Variants in ITPR1 observed in about 807,000 individuals in gnomAD.
The protein encoded by ITPR1 is inositol 1,4,5-trisphosphate receptor type 1.
A neutral mutation model predicts 318.4 loss-of-function variants in ITPR1; 96 were observed. The ratio of observed to expected loss-of-function variants is 0.30; its 90% CI spans 0.26 to 0.36. The LOEUF is 0.36. Ranked by LOEUF, ITPR1 falls within the 10% of genes least tolerant of loss-of-function variation. The probability of loss-of-function intolerance (pLI) is 1.00; values close to 1 mark genes in which losing one functional copy is unlikely to be tolerated. For synonymous variants in ITPR1, 1,312 were observed against 1,289.9 expected, an observed-to-expected ratio of 1.02 and a Z score of -0.37; for missense variants, 2,440 against 3,460.2, an observed-to-expected ratio of 0.71 and a Z score of 7.40.
chr3:4,819,200 C>A (rs1443313496), intron 60 of ITPR1, among the ~76,000 whole-genome samples: 6 of 152,228 alleles, frequency 3.9e-5, no homozygotes, highest in African/African-American at 1.4e-4. Context: ...GCCAGGCTTT[C>A]AGTTTTATTG....
rs1332913286 is a variant in ITPR1, at chr3:4,717,325, C to G, written c.5104-42C>G. ...ACTTGGCTGGCTTGTATTTCCTTTC[C>G]TAACATTTCCTTCTCTCTCTCTCCC... On this transcript the variant is annotated intron_variant, in intron 39 of 61. Coordinates refer to ENST00000649015, the MANE Select transcript of ITPR1 (RefSeq NM_001378452.1). The G allele has an allele frequency of 2.6e-6, 4 of 1,532,892 alleles. No individual in the cohort carries two copies. The African/African-American group carries it at 5.5e-5, about 21-fold the overall frequency. 95.0% of individuals were successfully genotyped at this position (1,532,892 alleles called of 1,614,324 possible).
chr3:4,553,641 C>T (rs1428777100), intron 4 of ITPR1, among the ~76,000 whole-genome samples: 9 of 148,538 alleles, frequency 6.1e-5, no homozygotes, highest in Non-Finnish European at 1.0e-4. Context: ...CTTCTTGTCG[C>T]CCAGGCTGGA....
intron 44 of ITPR1, among the ~76,000 whole-genome samples, chr3:4,741,347 G>A (rs1440004230): frequency 2.6e-5 from 4 of 152,156 alleles, no homozygotes; most frequent in African/African-American, 9.7e-5. Context: ...AGAAGCACTG[G>A]GAATTTCATG....
chr3:4,688,635 CAATCTGCA>C lies in ITPR1; in HGVS notation c.3828+21_3828+28del, dbSNP rs762314235. 5.4e-5 allele frequency: 87 copies of C among 1,609,736 alleles called. No individual in the cohort carries two copies. Among genetic ancestry groups the C allele is most frequent in the Non-Finnish European group, 7.3e-5 (86 of 1,176,566 alleles). ...TCAACCCAGGGGTAAGACTTGAGGC[CAATCTGCA>C]AATCTATAGAGGGAGGAGGGCAGGG... On this transcript the variant is annotated intron_variant, in intron 31 of 61. Transcript: ENST00000649015.
chr3:4,535,426 CTTTTTTTTTTTTTTAA>C (rs1257846333), intron 4 of ITPR1, among the ~76,000 whole-genome samples: 1 of 112,268 alleles, frequency 8.9e-6, no homozygotes, highest in Non-Finnish European at 1.9e-5. Context: ...AAATTATTTT[CTTTTTTTTTTTTTTAA>C]TTTTTTTTTT....
intron 55 of ITPR1, among the ~76,000 whole-genome samples, chr3:4,808,808 A>G (rs549201252): frequency 1.9e-4 from 29 of 152,346 alleles, no homozygotes; most frequent in African/African-American, 6.7e-4. Flanking sequence ...CCTCCATGCC[A>G]GCAGGCCGGA....
chr3:4,579,253 G>A (rs2089035885), intron 4 of ITPR1, among the ~76,000 whole-genome samples: 1 of 152,180 alleles, frequency 6.6e-6, no homozygotes, highest in Non-Finnish European at 1.5e-5. Flanking sequence ...ATAGTACCTA[G>A]AACGTTGTTA....
At chr3:4,655,798 A>G (rs11916179) in intron 12 of ITPR1, among the ~76,000 whole-genome samples, 69,191 of 151,904 alleles carry the variant, frequency 0.46, 17,356 homozygotes, top group Non-Finnish European at 0.58. Context: ...TTCGATGTTG[A>G]TTGGGGGTGG....
intron 20 of ITPR1, among the ~76,000 whole-genome samples, chr3:4,672,376 C>T (rs946825519): frequency 6.6e-6 from 1 of 152,138 alleles, no homozygotes; most frequent in African/African-American, 2.4e-5. Context: ...CTTGCATTTC[C>T]CCGACATCTA....
chr3:4,496,230 T>A (rs1381306600), intron 2 of ITPR1, among the ~76,000 whole-genome samples: 1 of 152,256 alleles, frequency 6.6e-6, no homozygotes, highest in Non-Finnish European at 1.5e-5. Flanking sequence ...CAATGTGAAA[T>A]GTTGATACCT....
At position 4,779,917 on chromosome 3, in the gene ITPR1, C is replaced by G. The variant is rs1025733203; in HGVS notation, c.6387+272C>G. ...GGCAAAAACCGCGATTACTTTTGCA[C>G]CAACCTATATGACATTGAATACGTG... On this transcript the variant is annotated intron_variant, in intron 49 of 61. Transcript: ENST00000649015. The surrounding 1 kb of genome is among the most constrained non-coding windows in gnomAD (Gnocchi z 4.0). 1.3e-5 allele frequency among the ~76,000 whole-genome samples: 2 copies of G among 151,206 alleles called. No individual in the cohort carries two copies. The highest frequency in any genetic ancestry group is 4.9e-5 in the African/African-American group (2 of 41,138).
chr3:4,786,263 C>A (rs868220588), intron 51 of ITPR1, among the ~76,000 whole-genome samples: 2 of 152,326 alleles, frequency 1.3e-5, no homozygotes, highest in Admixed American at 6.5e-5. Context: ...TGCTTGTGTG[C>A]AGGTTCTGGT....
chr3:4,713,926 T>A (rs2041570324), intron 39 of ITPR1, among the ~76,000 whole-genome samples: 1 of 152,110 alleles, frequency 6.6e-6, no homozygotes, highest in Non-Finnish European at 1.5e-5. Flanking sequence ...TAGAAACCCA[T>A]GTTAGCCACT....
chr3:4,840,516 T>A (rs2051265924), intron 61 of ITPR1, among the ~76,000 whole-genome samples: 2 of 152,212 alleles, frequency 1.3e-5, no homozygotes, highest in South Asian at 4.1e-4. Flanking sequence ...ACCAGCAGAC[T>A]CGAGCAACGA....
intron 44 of ITPR1, among the ~76,000 whole-genome samples, chr3:4,737,569 G>A (rs1441879086): frequency 6.6e-6 from 1 of 152,178 alleles, no homozygotes; most frequent in Non-Finnish European, 1.5e-5. Flanking sequence ...CTTGGATGGG[G>A]GTTGGGGTTC....
chr3:4,497,268 T>G (rs2080662657), intron 2 of ITPR1, among the ~76,000 whole-genome samples: 1 of 152,212 alleles, frequency 6.6e-6, no homozygotes, highest in Non-Finnish European at 1.5e-5. Context: ...GATTTCTAAA[T>G]TGGATGTAGT....
intron 25 of ITPR1, 117 bp downstream of exon 25, chr3:4,680,808 C>T (rs2094282844): frequency 1.2e-6 from 1 of 852,678 alleles, no homozygotes; most frequent in African/African-American, 1.7e-5. Flanking sequence ...GATTATTGCA[C>T]CAGGGCATCA....
intron 35 of ITPR1, 121 bp downstream of exon 35, chr3:4,700,062 T>C (rs925398059): frequency 7.1e-5 from 58 of 814,578 alleles, no homozygotes; most frequent in Non-Finnish European, 1.0e-4. Context: ...ATACAAGATA[T>C]ATTTCTCTTG....
chr3:4,667,921 T>C (rs762804746), intron 18 of ITPR1, among the ~76,000 whole-genome samples: 15 of 152,170 alleles, frequency 9.9e-5, no homozygotes, highest in Admixed American at 3.3e-4. Flanking sequence ...ATGTTCTTAA[T>C]TTTAATTTTT....
Sources: gnomAD v4.1 joint callset for allele counts (sites outside exome capture counted in the v4.1 genomes callset) on GRCh38, gnomAD v4.1.1 for gene constraint, Gnocchi (gnomAD v3.1) non-coding constraint, MANE v1.5 for transcripts, NCBI Gene and HGNC (gene_info 2026-07-23, HGNC 2026-07-21) for gene names.